The following MED12L variants were observed in gnomAD, a reference collection of about 807,000 sequenced individuals.
MED12L encodes the protein mediator of RNA polymerase II transcription subunit 12-like protein.
MED12L carries 60 observed loss-of-function variants against 281.3 expected under a neutral mutation model. The observed-to-expected ratio is 0.21, with a 90% CI of 0.17 to 0.26. MED12L has a LOEUF of 0.26. Ranked by LOEUF, MED12L falls within the 10% of genes least tolerant of loss-of-function variation. The pLI is 1.00. For synonymous variants in MED12L, 974 were observed against 987.2 expected, an observed-to-expected ratio of 0.99 and a Z score of 0.25; for missense variants, 2,146 against 2,680.9, an observed-to-expected ratio of 0.80 and a Z score of 4.41.
intron 39 of MED12L, among the ~76,000 whole-genome samples, chr3:151,408,544 A>C (rs141015302): frequency 3.1e-3 from 465 of 152,338 alleles, no homozygotes; most frequent in African/African-American, 0.01. Context: ...GCTTCCATGA[A>C]GTAACTTCTG....
intron 11 of MED12L, among the ~76,000 whole-genome samples, chr3:151,171,170 G>A (rs185032321): frequency 3.9e-5 from 6 of 152,274 alleles, no homozygotes; most frequent in Admixed American, 3.9e-4. Context: ...TGATGGAGGT[G>A]GCAAATCCTG....
chr3:151,207,076 G>A (rs1211758971), intron 16 of MED12L, among the ~76,000 whole-genome samples: 36 of 139,436 alleles, frequency 2.6e-4, no homozygotes, highest in African/African-American at 8.6e-4. Flanking sequence ...AGACAGGGTC[G>A]TCTTACGTTG....
At chr3:151,329,367 C>A in intron 16 of MED12L, 1 of 633,900 alleles carries the variant, frequency 1.6e-6, no homozygotes, top group South Asian at 2.1e-5. Flanking sequence ...TATGTAATTT[C>A]TTATGCTCAT....
intron 16 of MED12L, among the ~76,000 whole-genome samples, chr3:151,194,959 TC>T: frequency 6.6e-6 from 1 of 152,210 alleles, no homozygotes; most frequent in East Asian, 1.9e-4. Flanking sequence ...GGTCAGGAGA[TC>T]GAGACCATCC....
rs144946968 is a variant in MED12L at position 151,187,806 on chromosome 3, A to G, written c.1627-548A>G. 3.0e-4 allele frequency among the ~76,000 whole-genome samples: 45 copies of G among 152,374 alleles called. No individual in the cohort carries two copies. In the East Asian group the frequency reaches 3.3e-3, roughly 11 times the overall value. On this transcript the variant is annotated intron_variant, in intron 12 of 44. Transcript: ENST00000687756. ...TTTGATACCATGTTTCTCCAAAAAC[A>G]CAAATAAACCCTTCTGACAAAAACA...
chr3:151,369,973 A>G (rs1387199865), intron 26 of MED12L, among the ~76,000 whole-genome samples: 1 of 151,984 alleles, frequency 6.6e-6, no homozygotes, highest in Non-Finnish European at 1.5e-5. Flanking sequence ...TAATCTTAGT[A>G]TTTTTGCTCC....
At chr3:151,263,405 A>T (rs1037746146) in intron 16 of MED12L, among the ~76,000 whole-genome samples, 2 of 152,214 alleles carry the variant, frequency 1.3e-5, no homozygotes, top group Admixed American at 6.5e-5. Flanking sequence ...TGGTGTTCAC[A>T]ATTTGCTATC....
At chr3:151,144,628 T>C (rs547295846) in intron 5 of MED12L, among the ~76,000 whole-genome samples, 8 of 152,358 alleles carry the variant, frequency 5.3e-5, no homozygotes, top group Admixed American at 1.3e-4. Context: ...TATTTAGATA[T>C]TGCCTTATAA....
At chr3:151,357,979 A>G (rs1307298655) in intron 20 of MED12L, among the ~76,000 whole-genome samples, 1 of 152,178 alleles carries the variant, frequency 6.6e-6, no homozygotes, top group African/African-American at 2.4e-5. Flanking sequence ...AAAAACTTAC[A>G]TAAGCTGCTT....
intron 16 of MED12L, among the ~76,000 whole-genome samples, chr3:151,348,532 T>C (rs982114421): frequency 5.3e-5 from 8 of 151,952 alleles, no homozygotes; most frequent in African/African-American, 1.9e-4. Flanking sequence ...ACTCAGGATA[T>C]TAAATAAGAA....
chr3:151,120,466 C>T (rs1212430465), intron 3 of MED12L, among the ~76,000 whole-genome samples: 1 of 152,012 alleles, frequency 6.6e-6, no homozygotes, highest in Non-Finnish European at 1.5e-5. Context: ...CAACATTTTG[C>T]AAAAAATGCT....
chr3:151,096,973 A>G (rs563050738), intron 2 of MED12L, among the ~76,000 whole-genome samples: 1 of 152,354 alleles, frequency 6.6e-6, no homozygotes, highest in South Asian at 2.1e-4. Context: ...AGAGCTTGCC[A>G]GATCTTGTGT....
intron 2 of MED12L, among the ~76,000 whole-genome samples, chr3:151,090,000 C>T (rs964614352): frequency 2.0e-5 from 3 of 152,284 alleles, no homozygotes; most frequent in East Asian, 1.9e-4. Context: ...GGTCTCCCTT[C>T]TGGCTTCAGG....
intron 16 of MED12L, among the ~76,000 whole-genome samples, chr3:151,341,175 C>T (rs9848789): frequency 0.11 from 16,869 of 152,090 alleles, 1,230 homozygotes; most frequent in Middle Eastern, 0.17. Flanking sequence ...ACTCAAAATG[C>T]GTGCTGGCTA....
intron 35 of MED12L, 31 bp from the exon 36 acceptor site, chr3:151,384,999 C>T: frequency 8.3e-7 from 1 of 1,202,772 alleles, no homozygotes; most frequent in Non-Finnish European, 1.2e-6. Flanking sequence ...TGTCCCACTT[C>T]TCACTCTCTC....
intron 21 of MED12L, among the ~76,000 whole-genome samples, chr3:151,363,207 T>C (rs192353043): frequency 2.0e-5 from 3 of 152,234 alleles, no homozygotes; most frequent in African/African-American, 7.2e-5. Context: ...GTTTCCTCTA[T>C]TTGAAAAAAT....
intron 16 of MED12L, among the ~76,000 whole-genome samples, chr3:151,332,908 C>T (rs1016726436): frequency 1.3e-5 from 2 of 152,134 alleles, no homozygotes; most frequent in African/African-American, 4.8e-5. Flanking sequence ...CCACTACCCT[C>T]AATGTAGGCC....
chr3:151,369,578 G>T, intron 26 of MED12L, 29 bp downstream of exon 26: 4 of 1,420,716 alleles, frequency 2.8e-6, no homozygotes, highest in South Asian at 2.5e-5. Flanking sequence ...TAAGCTTCTT[G>T]GTTAATCACC....
At position 151,373,745 on chromosome 3, in the gene MED12L, A is replaced by C. The variant is rs148840436; in HGVS notation, c.3864+979A>C. 1.2e-4 allele frequency among the ~76,000 whole-genome samples: 18 copies of C among 152,232 alleles called. No homozygotes were observed. In the East Asian group the frequency reaches 2.7e-3, roughly 23 times the overall value. Reference sequence around the variant, plus strand: ...GCAGTAGGAATCTATTCATCCTATCACATCATTTGACATTTTAAAAATAGT... The same window carrying C: ...GCAGTAGGAATCTATTCATCCTATCCCATCATTTGACATTTTAAAAATAGT... On this transcript the variant is annotated intron_variant, in intron 27 of 44. Transcript: ENST00000687756.
Sources: gnomAD v4.1 joint callset for allele counts (sites outside exome capture counted in the v4.1 genomes callset) on GRCh38, gnomAD v4.1.1 for gene constraint, MANE v1.5 for transcripts, NCBI Gene and HGNC (gene_info 2026-07-23, HGNC 2026-07-21) for gene names.